Variants in TMEM233 observed in about 807,000 individuals in gnomAD.
TMEM233 encodes the protein dispanin subfamily B member 2.
A neutral mutation model predicts 11.2 loss-of-function variants in TMEM233; 6 were observed. That is an observed-to-expected ratio of 0.54 (90% CI 0.29 to 1.06). TMEM233 has a LOEUF of 1.06. Ranked by LOEUF, TMEM233 falls within the 50% of genes least tolerant of loss-of-function variation. The pLI is 0.08. For missense variants in TMEM233, 127 were observed against 144.7 expected (o/e 0.88, Z 0.63); for synonymous variants, 59 against 55.8 (o/e 1.06, Z -0.26).
rs1384544717 is a variant in TMEM233 at position 119,612,454 on chromosome 12, A to C, written c.187-17282A>C. ...ACACGGCAAAACCCCGTCTTCAAAA[A>C]ATACAAAAAATTGGCTGGGCGAAGT... On this transcript the variant is annotated intron_variant, in intron 1 of 2. Coordinates refer to ENST00000426426, the MANE Select transcript of TMEM233 (RefSeq NM_001136534.3). Among the ~76,000 whole-genome samples, 4 of 152,136 alleles carry C rather than the reference A, an allele frequency of 2.6e-5. No individual in the cohort carries two copies. In the East Asian group the frequency reaches 7.8e-4, roughly 29 times the overall value.
intron 1 of TMEM233, among the ~76,000 whole-genome samples, chr12:119,615,759 A>G (rs936902951): frequency 6.6e-6 from 1 of 152,192 alleles, no homozygotes; most frequent in Non-Finnish European, 1.5e-5. Flanking sequence ...GGCTTAGGGC[A>G]GTGGAGTAGC....
intron 1 of TMEM233, among the ~76,000 whole-genome samples, chr12:119,606,760 A>G (rs1461295033): frequency 1.3e-5 from 2 of 152,260 alleles, no homozygotes; most frequent in African/African-American, 2.4e-5. Flanking sequence ...TTATAAAATG[A>G]GTTCCTAAAC....
At chr12:119,643,529 G>A (rs1955112541), downstream of TMEM233, among the ~76,000 whole-genome samples, 1 of 152,226 alleles carries the variant, frequency 6.6e-6, no homozygotes, top group Non-Finnish European at 1.5e-5. Context: ...AGCACTTCGG[G>A]AGGCCGAGGC....
At position 119,594,547 on chromosome 12, in the gene TMEM233, T is replaced by C. The variant is rs1195315157; in HGVS notation, c.186+513T>C. 1 of 153,358 alleles carries C rather than the reference T, an allele frequency of 6.5e-6. No individual in the cohort carries two copies. Among genetic ancestry groups the C allele is most frequent in the African/African-American group, 2.4e-5 (1 of 41,450 alleles). The allele number at this position is 153,358 out of a possible 1,614,324, so 9.5% of individuals were successfully genotyped here. A position where few individuals can be genotyped will look rare whatever the true frequency, so the allele number is the denominator to read the frequency against. ...CTATCTCAGCCTGTGCTCCCTTCTC[T>C]CTTTGCTGCGCCCAAGGGCACCGCT... On this transcript the variant is annotated intron_variant, in intron 1 of 2. Transcript: ENST00000426426. The surrounding 1 kb of genome is among the most constrained non-coding windows in gnomAD (Gnocchi z 5.6).
intron 2 of TMEM233, among the ~76,000 whole-genome samples, chr12:119,637,475 C>A (rs994675958): frequency 1.9e-4 from 29 of 152,194 alleles, no homozygotes; most frequent in African/African-American, 6.5e-4. Flanking sequence ...CTTTCCTGGT[C>A]TCAAAATATC....
Position 119,593,933 on chromosome 12 carries a change from G to A in TMEM233, c.85G>A (p.Glu29Lys), listed in dbSNP as rs1346351087. 6.4e-7 allele frequency: 1 copy of A among 1,551,750 alleles called. No homozygotes were observed. Among genetic ancestry groups the A allele is most frequent in the South Asian group, 1.2e-5 (1 of 84,066 alleles). The change falls in exon 1 of 3, where the codon GAG becomes AAG. Residue 29 changes from glutamate (E) to lysine (K), a missense_variant. Coordinates refer to ENST00000426426, the MANE Select transcript of TMEM233 (RefSeq NM_001136534.3). The surrounding 1 kb of genome is among the most constrained non-coding windows in gnomAD (Gnocchi z 4.1). ...EANTEDDKTEEDVPMPKNYLW... is the reference protein window; with the variant it reads ...EANTEDDKTEKDVPMPKNYLW... Reference sequence around the variant, plus strand: ...CAACACTGAAGATGACAAGACCGAGGAGGACGTGCCCATGCCCAAGAACTA... The same window carrying A: ...CAACACTGAAGATGACAAGACCGAGAAGGACGTGCCCATGCCCAAGAACTA...
At chr12:119,603,048 A>C (rs1257043873) in intron 1 of TMEM233, among the ~76,000 whole-genome samples, 1 of 152,174 alleles carries the variant, frequency 6.6e-6, no homozygotes, top group Non-Finnish European at 1.5e-5. Flanking sequence ...TGAGTGCAGA[A>C]GCTCGAGACA....
chr12:119,617,319 T>A (rs548061743), intron 1 of TMEM233, among the ~76,000 whole-genome samples: 1 of 152,264 alleles, frequency 6.6e-6, no homozygotes, highest in Admixed American at 6.5e-5. Flanking sequence ...TAAGGTGGTC[T>A]CAGATGGAGA....
At position 119,626,059 on chromosome 12, in the gene TMEM233, T is replaced by G. The variant is rs1954750457; in HGVS notation, c.187-3677T>G. 3.3e-5 allele frequency among the ~76,000 whole-genome samples: 5 copies of G among 152,346 alleles called. No homozygotes were observed. In the South Asian group the frequency reaches 1.0e-3, roughly 32 times the overall value. ...ATGTGTTTGGGTGGGTGGGTGTGCA[T>G]GTCTTTCACGACATTGACTTTTTAA... On this transcript the variant is annotated intron_variant, in intron 1 of 2. Coordinates refer to ENST00000426426, the MANE Select transcript of TMEM233 (RefSeq NM_001136534.3).
In TMEM233 at chr12:119,642,417, A is replaced by G. The variant is rs1955095926; in HGVS notation, c.*1712A>G. 1 of 152,076 alleles carries G rather than the reference A, an allele frequency of 6.6e-6. No individual in the cohort carries two copies. The highest frequency in any genetic ancestry group is 2.1e-4 in the South Asian group (1 of 4,820). The allele number at this position is 152,076 out of a possible 1,614,324, so 9.4% of individuals were successfully genotyped here. ...AGCTGAGACTGTGCCACTACACTCC[A>G]GCCCGGGGTGACAGAGCAAGACTCC... On this transcript the variant is annotated 3_prime_UTR_variant, in exon 3 of 3. Coordinates refer to ENST00000426426, the MANE Select transcript of TMEM233 (RefSeq NM_001136534.3).
downstream of TMEM233, among the ~76,000 whole-genome samples, chr12:119,645,349 A>G (rs1233743389): frequency 7.6e-6 from 1 of 132,162 alleles, no homozygotes; most frequent in East Asian, 2.2e-4. Context: ...ATCTTGTAAG[A>G]TAACGTTCAT....
At position 119,640,864 on chromosome 12, in the gene TMEM233, A is replaced by AG. The variant is rs978546455; in HGVS notation, c.*159_*160insG. On this transcript the variant is annotated 3_prime_UTR_variant, in exon 3 of 3. Coordinates refer to ENST00000426426, the MANE Select transcript of TMEM233 (RefSeq NM_001136534.3). ...CCCTGGCAAATGAACAAGAAAAAAA[A>AG]AAAAAAAAAGTCCAAAATTTAGGCA... 3 of 796,570 alleles carry AG rather than the reference A, an allele frequency of 3.8e-6. No homozygotes were observed. Among genetic ancestry groups the AG allele is most frequent in the South Asian group, 5.1e-5 (2 of 38,844 alleles). 49.3% of individuals were successfully genotyped at this position (796,570 alleles called of 1,614,324 possible).
At chr12:119,598,879 A>G (rs1458332091) in intron 1 of TMEM233, among the ~76,000 whole-genome samples, 2 of 152,242 alleles carry the variant, frequency 1.3e-5, no homozygotes, top group Admixed American at 6.5e-5. Flanking sequence ...AAAAGTTTTC[A>G]GGTCACTGCT....
intron 1 of TMEM233, among the ~76,000 whole-genome samples, chr12:119,624,325 G>A (rs756536645): frequency 1.1e-4 from 17 of 151,486 alleles, no homozygotes; most frequent in Non-Finnish European, 2.1e-4. Flanking sequence ...GTGCCACTCC[G>A]CTCCAACCTG....
chr12:119,615,628 G>A lies in TMEM233; in HGVS notation c.187-14108G>A, dbSNP rs116757966. Among the ~76,000 whole-genome samples the A allele has an allele frequency of 2.6e-3, 402 of 152,256 alleles. 1 individual carries two copies. Among genetic ancestry groups the A allele is most frequent in the African/African-American group, 9.2e-3 (381 of 41,522 alleles). On this transcript the variant is annotated intron_variant, in intron 1 of 2. Coordinates refer to ENST00000426426, the MANE Select transcript of TMEM233 (RefSeq NM_001136534.3). ...TATAACTTTGGAGAGTTTCATCTCC[G>A]GTCTTCACTGGCAGCAATCCCATAG...
At chr12:119,618,258 C>T (rs1463357917) in intron 1 of TMEM233, among the ~76,000 whole-genome samples, 2 of 152,212 alleles carry the variant, frequency 1.3e-5, no homozygotes, top group Admixed American at 1.3e-4. Flanking sequence ...GCCTGGATGT[C>T]CAGGCAGAAA....
chr12:119,649,440 TC>T, the TMEM233 span, among the ~76,000 whole-genome samples: 24 of 152,290 alleles, frequency 1.6e-4, no homozygotes, highest in African/African-American at 4.8e-4. Flanking sequence ...TTTAGAGTGT[TC>T]CCTAACAATT....
downstream of TMEM233, among the ~76,000 whole-genome samples, chr12:119,644,857 T>C (rs1219746770): frequency 6.6e-6 from 1 of 152,226 alleles, no homozygotes; most frequent in African/African-American, 2.4e-5. Flanking sequence ...ATAGAGCACC[T>C]GCTCAACCAC....
At chr12:119,617,336 A>ACTT (rs1293822253) in intron 1 of TMEM233, among the ~76,000 whole-genome samples, 1 of 152,142 alleles carries the variant, frequency 6.6e-6, no homozygotes, top group East Asian at 1.9e-4. Flanking sequence ...GAGATGAGGG[A>ACTT]CTTTTTGGGA....
Sources: gnomAD v4.1 joint callset for allele counts (sites outside exome capture counted in the v4.1 genomes callset) on GRCh38, gnomAD v4.1.1 for gene constraint, Gnocchi (gnomAD v3.1) non-coding constraint, MANE v1.5 for transcripts, NCBI Gene and HGNC (gene_info 2026-07-23, HGNC 2026-07-21) for gene names.